TFDP2: variants seen among roughly 807,000 people sequenced by gnomAD.
The protein encoded by TFDP2 is transcription factor Dp-2.
A neutral mutation model predicts 59.3 loss-of-function variants in TFDP2; 17 were observed. The observed-to-expected ratio is 0.29, with a 90% CI of 0.20 to 0.43. The LOEUF (loss-of-function observed/expected upper bound fraction) is 0.43. Among genes scored for constraint, TFDP2 ranks in the 20% least tolerant of loss-of-function variants. TFDP2 has a pLI of 1.00. For synonymous variants in TFDP2, 180 were observed against 194.7 expected, an observed-to-expected ratio of 0.92 and a Z score of 0.63; for missense variants, 391 against 528.8, an observed-to-expected ratio of 0.74 and a Z score of 2.56.
chr3:142,019,054 T>C (rs1231693936), intron 3 of TFDP2, among the ~76,000 whole-genome samples: 8 of 2,502 alleles, frequency 3.2e-3, no homozygotes. Context: ...TCTTCGCACA[T>C]TTTTTTTTTT....
intron 6 of TFDP2, 132 bp from the exon 7 acceptor site, chr3:141,978,814 G>A: frequency 1.5e-6 from 1 of 649,846 alleles, no homozygotes; most frequent in East Asian, 3.2e-5. Flanking sequence ...ATTGAATAGA[G>A]ATGAGAAAAT....
At chr3:142,004,896 T>C (rs1944094536) in intron 4 of TFDP2, among the ~76,000 whole-genome samples, 1 of 152,200 alleles carries the variant, frequency 6.6e-6, no homozygotes, top group African/African-American at 2.4e-5. Context: ...AAAGACTTAA[T>C]ACTACACATC....
chr3:142,035,119 T>G (rs1160403523), intron 3 of TFDP2, among the ~76,000 whole-genome samples: 1 of 152,146 alleles, frequency 6.6e-6, no homozygotes. Context: ...ACCACAGCCA[T>G]CTCTTTTGCT....
chr3:141,952,680 A>G lies in TFDP2; in HGVS notation c.1174T>C (p.Cys392Arg), dbSNP rs1936058875. Residue 392 changes from cysteine (C) to arginine (R), a missense_variant, in exon 13 of 13, where the codon TGC becomes CGC. Physicochemically the swap from Cys to Arg is radical, Grantham distance 180. Transcript: ENST00000489671. ...LPQSSVNQGL[C>R]LDAEVALATG... ...GCTAAGGCCACTTCTGCATCCAAGC[A>G]TAACCCTTGGTTTACACTAGCAAAC... The G allele has an allele frequency of 1.2e-6, 2 of 1,610,096 alleles. No individual in the cohort carries two copies. Among genetic ancestry groups the G allele is most frequent in the South Asian group, 1.1e-5 (1 of 90,210 alleles).
chr3:142,032,051 T>C (rs1022899394), intron 3 of TFDP2, among the ~76,000 whole-genome samples: 2 of 152,194 alleles, frequency 1.3e-5, no homozygotes, highest in African/African-American at 4.8e-5. Context: ...TATTTCCTGT[T>C]TGCCTGCTGC....
At chr3:142,144,030 A>G (rs2063059709) in intron 1 of TFDP2, among the ~76,000 whole-genome samples, 1 of 136,798 alleles carries the variant, frequency 7.3e-6, no homozygotes. Flanking sequence ...GAATGAATAA[A>G]GAAAATGTGG....
intron 11 of TFDP2, among the ~76,000 whole-genome samples, chr3:141,954,505 T>C (rs756025818): frequency 4.6e-5 from 7 of 151,722 alleles, no homozygotes; most frequent in Non-Finnish European, 8.8e-5. Flanking sequence ...GGCATGGTGA[T>C]ACATGCCTGT....
intron 1 of TFDP2, among the ~76,000 whole-genome samples, chr3:142,122,008 G>C (rs1333228796): frequency 2.0e-5 from 3 of 152,132 alleles, no homozygotes; most frequent in South Asian, 2.1e-4. Flanking sequence ...TGGTTAACGA[G>C]AAAACAGTGG....
chr3:142,049,011 C>T (rs1355438), intron 3 of TFDP2, among the ~76,000 whole-genome samples: 114,157 of 152,150 alleles, frequency 0.75, 42,852 homozygotes, highest in South Asian at 0.8. Flanking sequence ...ATATGAAGGG[C>T]TTCTTGTAGT....
At chr3:142,056,189 T>C (rs1252209787) in intron 3 of TFDP2, among the ~76,000 whole-genome samples, 2 of 151,460 alleles carry the variant, frequency 1.3e-5, no homozygotes, top group African/African-American at 4.9e-5. Context: ...CCTAACCTCA[T>C]GATCTGCCCA....
At chr3:142,031,424 A>T (rs1203351559) in intron 3 of TFDP2, among the ~76,000 whole-genome samples, 1 of 152,070 alleles carries the variant, frequency 6.6e-6, no homozygotes, top group Non-Finnish European at 1.5e-5. Flanking sequence ...TCCTTTCCAG[A>T]GCCTTTTCTC....
At chr3:141,996,972 A>C (rs754618698) in intron 4 of TFDP2, among the ~76,000 whole-genome samples, 20 of 152,236 alleles carry the variant, frequency 1.3e-4, no homozygotes, top group Non-Finnish European at 2.9e-5. Context: ...AGTTTGCCTC[A>C]TGAGAAAACA....
chr3:142,063,292 C>A (rs2059977495), intron 3 of TFDP2, among the ~76,000 whole-genome samples: 1 of 152,082 alleles, frequency 6.6e-6, no homozygotes, highest in East Asian at 1.9e-4. Context: ...ACCTAAAATA[C>A]AATTTCACTT....
At chr3:142,128,010 C>T (rs2062333934) in intron 1 of TFDP2, among the ~76,000 whole-genome samples, 1 of 152,068 alleles carries the variant, frequency 6.6e-6, no homozygotes, top group Non-Finnish European at 1.5e-5. Context: ...TCAGCCTGGG[C>T]AACACAGTGA....
intron 2 of TFDP2, among the ~76,000 whole-genome samples, chr3:142,097,699 T>C (rs2061203115): frequency 6.6e-6 from 1 of 151,614 alleles, no homozygotes; most frequent in South Asian, 2.1e-4. Flanking sequence ...TAAACTAAAC[T>C]AAAATAGACA....
intron 1 of TFDP2, among the ~76,000 whole-genome samples, chr3:142,111,803 C>T (rs998060882): frequency 6.6e-6 from 1 of 152,100 alleles, no homozygotes; most frequent in African/African-American, 2.4e-5. Flanking sequence ...TGGTGGCTCA[C>T]GCCTGTAATC....
Position 141,952,983 on chromosome 3 carries a change from C to A in TFDP2, c.1085G>T (p.Gly362Val). 3.7e-6 allele frequency: 6 copies of A among 1,614,004 alleles called. No individual in the cohort carries two copies. The highest frequency in any genetic ancestry group is 4.2e-6 in the Non-Finnish European group (5 of 1,179,986). ...ISTGPSWLNQ[G>V]LLLNSTQSVS... ...TGATTGGGTAGAGTTCAGAAGTAGTCCCTGATTTAACCAAGAAGGTCCTGT... is the reference window on the plus strand; with the variant it reads ...TGATTGGGTAGAGTTCAGAAGTAGTACCTGATTTAACCAAGAAGGTCCTGT... Residue 362 changes from glycine (G) to valine (V), a missense_variant, in exon 12 of 13, where the codon GGA becomes GTA. Coordinates refer to ENST00000489671, the MANE Select transcript of TFDP2 (RefSeq NM_001178139.2).
chr3:142,110,333 G>C (rs938170922), intron 1 of TFDP2, among the ~76,000 whole-genome samples: 7 of 151,990 alleles, frequency 4.6e-5, no homozygotes, highest in Non-Finnish European at 1.0e-4. Flanking sequence ...ATGAAACCCT[G>C]TCTCTACTAA....
chr3:142,136,496 A>G (rs1169057762), intron 1 of TFDP2, among the ~76,000 whole-genome samples: 1 of 152,072 alleles, frequency 6.6e-6, no homozygotes, highest in Non-Finnish European at 1.5e-5. Flanking sequence ...GTCCTTGCCC[A>G]TGCCTATGTC....
Sources: gnomAD v4.1 joint callset for allele counts (sites outside exome capture counted in the v4.1 genomes callset) on GRCh38, gnomAD v4.1.1 for gene constraint, MANE v1.5 for transcripts, NCBI Gene and HGNC (gene_info 2026-07-23, HGNC 2026-07-21) for gene names.